Variants in ADAMTS3 observed in about 807,000 individuals in gnomAD.
The protein encoded by ADAMTS3 is A disintegrin and metalloproteinase with thrombospondin motifs 3.
Under a neutral mutation model 129.0 loss-of-function variants are expected in ADAMTS3, and 73 were observed. The ratio of observed to expected loss-of-function variants is 0.57; its 90% CI spans 0.47 to 0.69. The LOEUF (loss-of-function observed/expected upper bound fraction) is 0.69. ADAMTS3 is among the 30% of genes least tolerant of loss of function. The pLI is 0.00. For synonymous variants in ADAMTS3, 477 were observed against 510.8 expected, an observed-to-expected ratio of 0.93 and a Z score of 0.89; for missense variants, 1,457 against 1,514.5, an observed-to-expected ratio of 0.96 and a Z score of 0.63.
chr4:72,463,454 T>C (rs1718827528), intron 3 of ADAMTS3, among the ~76,000 whole-genome samples: 1 of 151,992 alleles, frequency 6.6e-6, no homozygotes, highest in African/African-American at 2.4e-5. Context: ...TTGTAATCAC[T>C]TGAAAGAAAA....
chr4:72,398,516 A>T lies in ADAMTS3; in HGVS notation c.661+16299T>A, dbSNP rs149629314. Among the ~76,000 whole-genome samples, 621 of 152,324 alleles carry T rather than the reference A, an allele frequency of 4.1e-3. 9 individuals are homozygous for T. Among genetic ancestry groups the T allele is most frequent in the African/African-American group, 0.014 (599 of 41,568 alleles). On this transcript the variant is annotated intron_variant, in intron 4 of 21. Coordinates refer to ENST00000286657, the MANE Select transcript of ADAMTS3 (RefSeq NM_014243.3). ...CTTGAACCTGGGAAGCGGAGGTTGC[A>T]GTGAGCTGAGATCGTGCCACTGCAC...
At chr4:72,373,478 A>G (rs1263075850) in intron 4 of ADAMTS3, among the ~76,000 whole-genome samples, 7 of 152,246 alleles carry the variant, frequency 4.6e-5, no homozygotes, top group African/African-American at 1.7e-4. Flanking sequence ...ATACCTACAC[A>G]CAGGAATAAA....
intron 3 of ADAMTS3, among the ~76,000 whole-genome samples, chr4:72,452,849 C>T (rs1718442788): frequency 6.6e-6 from 1 of 151,704 alleles, no homozygotes; most frequent in South Asian, 2.1e-4. Context: ...GTCAAATAGC[C>T]AAATACCATT....
chr4:72,329,276 G>A (rs1400316599), intron 5 of ADAMTS3, among the ~76,000 whole-genome samples: 3 of 152,162 alleles, frequency 2.0e-5, no homozygotes, highest in African/African-American at 7.2e-5. Context: ...ACAAGATAGA[G>A]GAGGACAAGA....
At chr4:72,504,789 A>T (rs947536164) in intron 3 of ADAMTS3, among the ~76,000 whole-genome samples, 3 of 151,970 alleles carry the variant, frequency 2.0e-5, no homozygotes, top group Non-Finnish European at 4.4e-5. Flanking sequence ...TTTATTGTTA[A>T]CTCACTGGAT....
rs1006456219 is a variant in ADAMTS3, at chr4:72,303,931, G to T, written c.2410C>A (p.Pro804Thr). 1.9e-6 allele frequency: 3 copies of T among 1,613,244 alleles called. No homozygotes were observed. In the African/African-American group the frequency reaches 4.0e-5, roughly 22 times the overall value. Reference sequence around the variant, plus strand: ...ATGCCACATACCAAAACAATAACAGGATCATGTAAAGGTCCATCGGTGTGA... The same window carrying T: ...ATGCCACATACCAAAACAATAACAGTATCATGTAAAGGTCCATCGGTGTGA... Reference protein sequence around the residue: ...SLHTDGPLHDPVIVLIIPQEN... With the variant: ...SLHTDGPLHDTVIVLIIPQEN... Residue 804 changes from proline (P) to threonine (T), a missense_variant, in exon 17 of 22, where the codon CCT becomes ACT. Physicochemically the swap from Pro to Thr is conservative, Grantham distance 38 (BLOSUM62 -1). Transcript: ENST00000286657.
At chr4:72,309,650 G>T in intron 14 of ADAMTS3, 130 bp from the exon 15 acceptor site, 1 of 968,510 alleles carries the variant, frequency 1.0e-6, no homozygotes, top group Non-Finnish European at 1.5e-6. Context: ...TGCCACTGTA[G>T]TCATAATTTT....
At chr4:72,481,182 T>C (rs1317195148) in intron 3 of ADAMTS3, among the ~76,000 whole-genome samples, 1 of 152,184 alleles carries the variant, frequency 6.6e-6, no homozygotes, top group South Asian at 2.1e-4. Flanking sequence ...GCAATATTTT[T>C]CATAGATATA....
chr4:72,338,667 GAGAT>G (rs1305140974), intron 5 of ADAMTS3, among the ~76,000 whole-genome samples: 1 of 151,956 alleles, frequency 6.6e-6, no homozygotes, highest in African/African-American at 2.4e-5. Flanking sequence ...GGTGGGTTGA[GAGAT>G]AGGGAAATAA....
intron 18 of ADAMTS3, 135 bp downstream of exon 18, chr4:72,298,142 T>C (rs776424398): frequency 2.7e-4 from 170 of 635,616 alleles, no homozygotes; most frequent in Non-Finnish European, 3.9e-4. Flanking sequence ...TAAAAATGTT[T>C]TGTATTGATG....
chr4:72,475,062 G>T (rs755157132), intron 3 of ADAMTS3, among the ~76,000 whole-genome samples: 47 of 151,466 alleles, frequency 3.1e-4, no homozygotes, highest in Non-Finnish European at 6.3e-4. Context: ...AAAAATGTTT[G>T]CATAATCTTT....
rs1283085071 is a variant in ADAMTS3, at chr4:72,530,697, CATATATT to C, written c.504+17774_504+17780del. On this transcript the variant is annotated intron_variant, in intron 3 of 21. Coordinates refer to ENST00000286657, the MANE Select transcript of ADAMTS3 (RefSeq NM_014243.3). ...ATAATATGTATAATATATATTGTATCATATATTATATATTATATATAATATTATACAT... is the reference window on the plus strand; with the variant it reads ...ATAATATGTATAATATATATTGTATCATATATTATATATAATATTATACAT... Among the ~76,000 whole-genome samples the C allele has an allele frequency of 1.9e-4, 15 of 79,054 alleles. 2 individuals carry two copies. In the East Asian group the frequency reaches 2.5e-3, roughly 13 times the overall value. 51.9% of individuals were successfully genotyped at this position (79,054 alleles called of 152,430 possible). A position where few individuals can be genotyped will look rare whatever the true frequency, so the allele number is the denominator to read the frequency against.
intron 5 of ADAMTS3, among the ~76,000 whole-genome samples, chr4:72,335,055 A>T (rs184560870): frequency 6.6e-6 from 1 of 152,246 alleles, no homozygotes; most frequent in East Asian, 1.9e-4. Flanking sequence ...TGTTCACTTG[A>T]CCCTTAAGCC....
At chr4:72,433,466 T>G (rs1374858827) in intron 3 of ADAMTS3, among the ~76,000 whole-genome samples, 1 of 151,938 alleles carries the variant, frequency 6.6e-6, no homozygotes, top group Non-Finnish European at 1.5e-5. Flanking sequence ...CCCTGGTATA[T>G]TAAATATGAC....
chr4:72,355,732 C>T (rs920310819), intron 4 of ADAMTS3, among the ~76,000 whole-genome samples: 2 of 151,984 alleles, frequency 1.3e-5, no homozygotes, highest in East Asian at 1.9e-4. Flanking sequence ...TACACTTTTC[C>T]CAGCCAGCAG....
rs563788926 is a variant in ADAMTS3 at position 72,409,675 on chromosome 4, G to C, written c.661+5140C>G. 3.7e-4 allele frequency among the ~76,000 whole-genome samples: 56 copies of C among 152,134 alleles called. 2 individuals are homozygous for C. In the South Asian group the frequency reaches 1.0e-2, roughly 27 times the overall value. Reference sequence around the variant, plus strand: ...ACAGAGACAGAAGAAACTCAGTAAGGCAATTTAATGAAAAAAATAAAGTAT... The same window carrying C: ...ACAGAGACAGAAGAAACTCAGTAAGCCAATTTAATGAAAAAAATAAAGTAT... On this transcript the variant is annotated intron_variant, in intron 4 of 21. Transcript: ENST00000286657.
chr4:72,478,888 A>G (rs935418230), intron 3 of ADAMTS3, among the ~76,000 whole-genome samples: 7 of 151,844 alleles, frequency 4.6e-5, no homozygotes, highest in African/African-American at 1.7e-4. Context: ...AAGCATTCTT[A>G]TACACCAATA....
At chr4:72,303,769 G>A (rs943211051) in intron 17 of ADAMTS3, 148 bp downstream of exon 17, 24 of 726,526 alleles carry the variant, frequency 3.3e-5, no homozygotes, top group African/African-American at 3.1e-4. Context: ...ACAAAGAGTG[G>A]GGGGAAAGAT....
At chr4:72,458,474 T>A (rs1718682551) in intron 3 of ADAMTS3, among the ~76,000 whole-genome samples, 1 of 151,586 alleles carries the variant, frequency 6.6e-6, no homozygotes, top group African/African-American at 2.4e-5. Flanking sequence ...AAAATAGGCA[T>A]CTAAGAGGTC....
Sources: allele counts gnomAD v4.1 joint callset (sites outside exome capture counted in the v4.1 genomes callset), GRCh38; gene constraint gnomAD v4.1.1; transcripts MANE v1.5; gene names NCBI Gene and HGNC (gene_info 2026-07-23, HGNC 2026-07-21).